Variants in MIX23 observed in about 807,000 individuals in gnomAD.
MIX23 encodes mitochondrial matrix import factor 23.
A neutral mutation model predicts 21.6 loss-of-function variants in MIX23; 13 were observed. That is an observed-to-expected ratio of 0.60 (90% CI 0.39 to 0.96). The LOEUF is 0.96. Ranked by LOEUF, MIX23 falls within the 40% of genes least tolerant of loss-of-function variation. The pLI is 0.00. For missense variants in MIX23, 144 were observed against 171.2 expected, an observed-to-expected ratio of 0.84 and a Z score of 0.89; for synonymous variants, 59 against 58.0, an observed-to-expected ratio of 1.02 and a Z score of -0.08.
chr3:122,375,529 T>C (rs950661810), intron 1 of MIX23, among the ~76,000 whole-genome samples: 2 of 152,182 alleles, frequency 1.3e-5, no homozygotes, highest in Non-Finnish European at 2.9e-5. Flanking sequence ...ATGATCGGAT[T>C]AGGGTGGGAT....
At chr3:122,371,572 A>T (rs2075441895) in intron 2 of MIX23, 103 bp downstream of exon 2, 3 of 1,331,702 alleles carry the variant, frequency 2.3e-6, no homozygotes, top group Non-Finnish European at 3.2e-6. Flanking sequence ...CAAAGAAAAG[A>T]TGTCATTCCT....
intron 1 of MIX23, among the ~76,000 whole-genome samples, chr3:122,376,024 T>C (rs1316085892): frequency 1.3e-5 from 2 of 151,486 alleles, no homozygotes; most frequent in African/African-American, 2.4e-5. Flanking sequence ...TAGACTGGCA[T>C]GGTGGCGCGC....
chr3:122,360,984 C>T (rs574770683), intron 4 of MIX23, among the ~76,000 whole-genome samples: 1 of 152,236 alleles, frequency 6.6e-6, no homozygotes, highest in Admixed American at 6.5e-5. Context: ...GCTGGGACTA[C>T]AGGCACCCGC....
rs954920912 is a variant in MIX23 at position 122,368,408 on chromosome 3, A to T, written c.178-86T>A. On this transcript the variant is annotated intron_variant, in intron 2 of 4. Coordinates refer to ENST00000291458, the MANE Select transcript of MIX23 (RefSeq NM_001017928.4). ...GTTTTTCAAAAAAATCCTTGAGACT[A>T]TAGAAATTCAATACTTTCTAAAACA... 16 of 1,305,414 alleles carry T rather than the reference A, an allele frequency of 1.2e-5. No individual in the cohort carries two copies. In the African/African-American group the frequency reaches 1.4e-4, roughly 11 times the overall value. The allele number at this position is 1,305,414 out of a possible 1,614,324, so 80.9% of individuals were successfully genotyped here. A position where few individuals can be genotyped will look rare whatever the true frequency, so the allele number is the denominator to read the frequency against.
At chr3:122,374,466 T>C (rs2075467535) in intron 1 of MIX23, among the ~76,000 whole-genome samples, 1 of 152,250 alleles carries the variant, frequency 6.6e-6, no homozygotes, top group African/African-American at 2.4e-5. Flanking sequence ...CCATATACTT[T>C]AAATAATCTC....
At position 122,359,861 on chromosome 3, in the gene MIX23, A is replaced by AAAAC; in HGVS notation, c.*7_*8insGTTT. On this transcript the variant is annotated 3_prime_UTR_variant, in exon 5 of 5. Coordinates refer to ENST00000291458, the MANE Select transcript of MIX23 (RefSeq NM_001017928.4). ...AAAAAAAAAAAAAAAAAAAAAAAGA[A>AAAAC]TCTCTCTTTATTCATTCTTTGGAGG... 6.7e-7 allele frequency: 1 copy of AAAAC among 1,488,612 alleles called. No individual in the cohort carries two copies. The highest frequency in any genetic ancestry group is 9.0e-7 in the Non-Finnish European group (1 of 1,107,570). 92.2% of individuals were successfully genotyped at this position (1,488,612 alleles called of 1,614,324 possible). A position where few individuals can be genotyped will look rare whatever the true frequency, so the allele number is the denominator to read the frequency against.
At chr3:122,369,707 T>C (rs2075425061) in intron 2 of MIX23, among the ~76,000 whole-genome samples, 1 of 152,172 alleles carries the variant, frequency 6.6e-6, no homozygotes. Context: ...AAACAACAAC[T>C]TGTGATTCTC....
At chr3:122,381,037 A>G (rs900222111) in intron 1 of MIX23, among the ~76,000 whole-genome samples, 1 of 152,226 alleles carries the variant, frequency 6.6e-6, no homozygotes, top group Admixed American at 6.5e-5. Flanking sequence ...AATGTGTTCT[A>G]GCAATACTGA....
intron 1 of MIX23, among the ~76,000 whole-genome samples, chr3:122,378,285 C>A (rs1319872367): frequency 6.6e-6 from 1 of 152,184 alleles, no homozygotes; most frequent in Non-Finnish European, 1.5e-5. Flanking sequence ...AACACTTTAG[C>A]CCGATTCATC....
chr3:122,361,058 T>C (rs950381734), intron 4 of MIX23, among the ~76,000 whole-genome samples: 1 of 152,170 alleles, frequency 6.6e-6, no homozygotes, highest in African/African-American at 2.4e-5. Flanking sequence ...TTGGTCAGGC[T>C]GGTATCGAAC....
intron 2 of MIX23, among the ~76,000 whole-genome samples, chr3:122,370,428 G>C (rs2075432041): frequency 8.0e-6 from 1 of 125,626 alleles, no homozygotes; most frequent in Admixed American, 9.7e-5. Flanking sequence ...CTGTACTCCA[G>C]CCTGGGTGAC....
chr3:122,359,782 C>A lies in MIX23; in HGVS notation c.*87G>T. 1 of 1,331,964 alleles carries A rather than the reference C, an allele frequency of 7.5e-7. No individual in the cohort carries two copies. The highest frequency in any genetic ancestry group is 1.6e-5 in the South Asian group (1 of 62,672). 82.5% of individuals were successfully genotyped at this position (1,331,964 alleles called of 1,614,324 possible). A position where few individuals can be genotyped will look rare whatever the true frequency, so the allele number is the denominator to read the frequency against. On this transcript the variant is annotated 3_prime_UTR_variant, in exon 5 of 5. Coordinates refer to ENST00000291458, the MANE Select transcript of MIX23 (RefSeq NM_001017928.4). ...CTCAGAAATCATCCTAGAAAGCCCG[C>A]CCTGTTGATATCTGTCATGCTTAGC...
At chr3:122,371,927 G>T in intron 1 of MIX23, 127 bp from the exon 2 acceptor site, 1 of 710,198 alleles carries the variant, frequency 1.4e-6, no homozygotes, top group Non-Finnish European at 2.3e-6. Context: ...AGGAAACCAA[G>T]CCAAATACAT....
intron 3 of MIX23, among the ~76,000 whole-genome samples, chr3:122,367,606 C>T (rs1488664182): frequency 6.6e-6 from 1 of 152,090 alleles, no homozygotes; most frequent in Non-Finnish European, 1.5e-5. Context: ...AAGAAAAAGC[C>T]AAAGATCCCT....
chr3:122,361,503 T>A (rs2075358902), intron 4 of MIX23, among the ~76,000 whole-genome samples: 1 of 152,190 alleles, frequency 6.6e-6, no homozygotes, highest in African/African-American at 2.4e-5. Flanking sequence ...GCACCATGGC[T>A]ACATTTTCTT....
intron 4 of MIX23, among the ~76,000 whole-genome samples, chr3:122,360,671 T>C (rs1032522444): frequency 5.3e-4 from 80 of 152,222 alleles, no homozygotes; most frequent in African/African-American, 1.9e-3. Flanking sequence ...AATTCTGAAA[T>C]TGAAAAGAAT....
intron 1 of MIX23, among the ~76,000 whole-genome samples, chr3:122,374,427 A>G (rs1182244470): frequency 1.3e-5 from 2 of 152,314 alleles, no homozygotes; most frequent in South Asian, 2.1e-4. Flanking sequence ...AAATGGCACA[A>G]TATTTGTATA....
chr3:122,382,778 T>A (rs148504089), intron 1 of MIX23, among the ~76,000 whole-genome samples: 62 of 152,370 alleles, frequency 4.1e-4, no homozygotes, highest in African/African-American at 1.4e-3. Context: ...ATCAACTAAA[T>A]AGCTCTTCTG....
chr3:122,365,362 T>G (rs2075388744), intron 3 of MIX23: 1 of 152,150 alleles, frequency 6.6e-6, no homozygotes, highest in Non-Finnish European at 1.5e-5. Flanking sequence ...GGGTGTCAGT[T>G]AGTATCTCAA....
Sources: allele counts gnomAD v4.1 joint callset (sites outside exome capture counted in the v4.1 genomes callset), GRCh38; gene constraint gnomAD v4.1.1; transcripts MANE v1.5; gene names NCBI Gene and HGNC (gene_info 2026-07-23, HGNC 2026-07-21).